Variants in GRB14 observed in about 807,000 individuals in gnomAD.
GRB14 encodes growth factor receptor bound protein 14, also known as growth factor receptor-bound protein 14.
Under a neutral mutation model 69.1 loss-of-function variants are expected in GRB14, and 38 were observed. The ratio of observed to expected loss-of-function variants is 0.55; its 90% CI spans 0.42 to 0.72. The LOEUF (loss-of-function observed/expected upper bound fraction) is 0.72, where lower values mean the gene tolerates loss of function less well. Ranked by LOEUF, GRB14 falls within the 30% of genes least tolerant of loss-of-function variation. The pLI is 0.00. For synonymous variants in GRB14, 247 were observed against 241.3 expected (o/e 1.02, Z -0.22); for missense variants, 666 against 666.1 (o/e 1.00, Z 0.00).
At chr2:164,556,636 C>T (rs1485216897) in intron 2 of GRB14, among the ~76,000 whole-genome samples, 2 of 152,114 alleles carry the variant, frequency 1.3e-5, no homozygotes, top group East Asian at 3.9e-4. Context: ...CACGGTTTCC[C>T]TACCCTCTAC....
chr2:164,567,363 A>T (rs1453781688), intron 2 of GRB14, among the ~76,000 whole-genome samples: 1 of 152,166 alleles, frequency 6.6e-6, no homozygotes, highest in Non-Finnish European at 1.5e-5. Context: ...AACTATAGCC[A>T]CTTTAACTGT....
intron 6 of GRB14, among the ~76,000 whole-genome samples, chr2:164,514,552 C>T (rs967122524): frequency 1.3e-5 from 2 of 152,142 alleles, no homozygotes; most frequent in African/African-American, 2.4e-5. Context: ...TGGGCACTCT[C>T]GGTCCCTGGG....
chr2:164,620,976 C>T, intron 1 of GRB14, 143 bp downstream of exon 1: 1 of 608,886 alleles, frequency 1.6e-6, no homozygotes, highest in Non-Finnish European at 2.4e-6. Flanking sequence ...CCGGTAGGAG[C>T]CAGCTCAAAG....
intron 2 of GRB14, among the ~76,000 whole-genome samples, chr2:164,592,871 G>T (rs1689700360): frequency 6.6e-6 from 1 of 152,042 alleles, no homozygotes; most frequent in Admixed American, 6.6e-5. Context: ...TTTTCTCAAA[G>T]CATTTCAACT....
intron 1 of GRB14, 47 bp from the exon 2 acceptor site, chr2:164,619,866 A>G (rs2105366635): frequency 6.7e-7 from 1 of 1,497,202 alleles, no homozygotes; most frequent in African/African-American, 1.4e-5. Flanking sequence ...ACAGAATGTA[A>G]AATATAATTG....
chr2:164,521,374 G>A (rs994914523), intron 6 of GRB14, among the ~76,000 whole-genome samples: 1 of 152,086 alleles, frequency 6.6e-6, no homozygotes, highest in African/African-American at 2.4e-5. Context: ...GAAAAGGTGG[G>A]AGGGGGTGAA....
At chr2:164,513,812 A>G (rs1687406038) in intron 6 of GRB14, among the ~76,000 whole-genome samples, 1 of 152,246 alleles carries the variant, frequency 6.6e-6, no homozygotes, top group South Asian at 2.1e-4. Flanking sequence ...CAGTGTTGTC[A>G]TTGACAACTA....
rs113742280 is a variant in GRB14 at position 164,578,522 on chromosome 2, G to GCGCA, written c.325-30707_325-30706insTGCG. The stretch of plus-strand genomic sequence containing the variant: ...AAAGGAACGAAAAGACAATTCGCGC[G>GCGCA]CACACACACACACACACACACACAC... On this transcript the variant is annotated intron_variant, in intron 2 of 13. Transcript: ENST00000263915. 1.6e-4 allele frequency among the ~76,000 whole-genome samples: 23 copies of GCGCA among 145,680 alleles called. No individual in the cohort carries two copies. The East Asian group carries it at 2.9e-3, about 18-fold the overall frequency.
chr2:164,534,843 ACAGG>A (rs1688039246), intron 3 of GRB14, among the ~76,000 whole-genome samples: 1 of 152,206 alleles, frequency 6.6e-6, no homozygotes, highest in Non-Finnish European at 1.5e-5. Context: ...AGAAGTGACC[ACAGG>A]TAGGAATCAC....
At chr2:164,610,860 T>C (rs1158916907) in intron 2 of GRB14, among the ~76,000 whole-genome samples, 3 of 114,638 alleles carry the variant, frequency 2.6e-5, no homozygotes, top group Admixed American at 2.1e-4. Context: ...AGAAATGTGA[T>C]GGGAAAAAAA....
intron 2 of GRB14, among the ~76,000 whole-genome samples, chr2:164,614,903 T>C (rs1002011087): frequency 4.6e-5 from 7 of 152,170 alleles, no homozygotes; most frequent in African/African-American, 1.4e-4. Flanking sequence ...GATCTGCTTA[T>C]CCTTTGAAAG....
intron 2 of GRB14, among the ~76,000 whole-genome samples, chr2:164,584,074 C>A (rs1334319929): frequency 6.6e-6 from 1 of 151,154 alleles, no homozygotes; most frequent in Non-Finnish European, 1.5e-5. Flanking sequence ...CAACTTCTAC[C>A]TCGCAGGTTC....
intron 2 of GRB14, among the ~76,000 whole-genome samples, chr2:164,605,113 T>G (rs1012942598): frequency 2.0e-5 from 3 of 152,168 alleles, no homozygotes; most frequent in Non-Finnish European, 4.4e-5. Context: ...AGAGTACCAG[T>G]GAGGAGAGTC....
At chr2:164,521,820 T>C (rs73020265) in intron 6 of GRB14, among the ~76,000 whole-genome samples, 160 bp downstream of exon 6, 2,727 of 152,184 alleles carry the variant, frequency 0.018, 68 homozygotes, top group African/African-American at 0.06. Flanking sequence ...GAAGTAAAGC[T>C]GAGTAGTGTT....
At chr2:164,527,391 T>C in intron 3 of GRB14, among the ~76,000 whole-genome samples, 1 of 151,704 alleles carries the variant, frequency 6.6e-6, no homozygotes, top group Middle Eastern at 3.4e-3. Context: ...GAAAAAAATG[T>C]ATAAAATATC....
intron 2 of GRB14, among the ~76,000 whole-genome samples, chr2:164,569,273 G>C (rs1689067749): frequency 6.6e-6 from 1 of 152,126 alleles, no homozygotes; most frequent in Non-Finnish European, 1.5e-5. Flanking sequence ...CTAGGGGAGG[G>C]AGGCTGGAGG....
At chr2:164,494,397 C>G (rs754191925) in intron 13 of GRB14, 34 bp downstream of exon 13, 1 of 1,129,268 alleles carries the variant, frequency 8.9e-7, no homozygotes. Flanking sequence ...AAGGTCATTT[C>G]TAATACACAA....
intron 3 of GRB14, among the ~76,000 whole-genome samples, chr2:164,528,988 A>T (rs553091361): frequency 1.8e-4 from 27 of 152,330 alleles, no homozygotes; most frequent in African/African-American, 6.0e-4. Flanking sequence ...CACAATAGCC[A>T]AAAGGTGGAA....
chr2:164,617,643 C>A (rs753078509), intron 2 of GRB14, among the ~76,000 whole-genome samples: 12 of 152,152 alleles, frequency 7.9e-5, no homozygotes, highest in East Asian at 1.9e-4. Context: ...ATCAACAAAT[C>A]TCTCAGACAC....
Sources: gnomAD v4.1 joint callset for allele counts (sites outside exome capture counted in the v4.1 genomes callset) on GRCh38, gnomAD v4.1.1 for gene constraint, MANE v1.5 for transcripts, NCBI Gene and HGNC (gene_info 2026-07-23, HGNC 2026-07-21) for gene names.